The following DOK7 variants were observed in gnomAD, a reference collection of about 807,000 sequenced individuals.
DOK7 encodes the protein protein Dok-7.
Under a neutral mutation model 30.7 loss-of-function variants are expected in DOK7, and 32 were observed. The observed-to-expected ratio is 1.04, with a 90% CI of 0.79 to 1.40. The LOEUF is 1.40. DOK7 is among the 40% of genes most tolerant of loss of function. The pLI, the probability that DOK7 is intolerant of heterozygous loss-of-function variation, is 0.00. For missense variants in DOK7, 1,007 were observed against 699.2 expected (o/e 1.44, Z -4.97); for synonymous variants, 447 against 324.1 (o/e 1.38, Z -4.07).
downstream of DOK7, among the ~76,000 whole-genome samples, chr4:3,498,168 G>A (rs931318712): frequency 1.3e-5 from 2 of 152,156 alleles, no homozygotes; most frequent in African/African-American, 2.4e-5. Context: ...GCCGATTCCC[G>A]GTTGCTGCTT....
intron 7 of DOK7, chr4:3,500,426 G>A (rs1729134464): frequency 2.6e-6 from 4 of 1,534,688 alleles, no homozygotes; most frequent in African/African-American, 1.4e-5. Flanking sequence ...CCTGCGTGGA[G>A]GCACTGACAA....
Position 3,499,601 on chromosome 4 carries a change from C to A in DOK7, c.1109-650C>A, listed in dbSNP as rs541218026. ...CCTGCTCCTGCTCTGCCCTCCCCAGCACCAATGGGGTGTGCAGACAGAACC... is the reference window on the plus strand; with the variant it reads ...CCTGCTCCTGCTCTGCCCTCCCCAGAACCAATGGGGTGTGCAGACAGAACC... On this transcript the variant is annotated intron_variant, in intron 6 of 7. Transcript: ENST00000643608. Among the ~76,000 whole-genome samples the A allele has an allele frequency of 4.4e-3, 674 of 152,180 alleles. 4 individuals carry two copies. Among genetic ancestry groups the A allele is most frequent in the African/African-American group, 0.015 (634 of 41,500 alleles).
rs118010171 is a variant in DOK7, at chr4:3,468,117, T to A, written c.100+4566T>A. On this transcript the variant is annotated intron_variant, in intron 2 of 6. Coordinates refer to ENST00000340083, the MANE Select transcript of DOK7 (RefSeq NM_173660.5). The stretch of plus-strand genomic sequence containing the variant: ...GTGCATGACTGTGTCCACGTGTGTG[T>A]GCATGTGAATACCTGTGTGTGCAGG... Among the ~76,000 whole-genome samples the A allele has an allele frequency of 1.0e-3, 158 of 152,352 alleles. 3 individuals are homozygous for A. In the East Asian group the frequency reaches 0.029, roughly 28 times the overall value.
chr4:3,493,523 G>T lies in DOK7; in HGVS notation c.*22G>T, dbSNP rs527308426. The T allele has an allele frequency of 4.3e-5, 69 of 1,607,146 alleles. No homozygotes were observed. Among genetic ancestry groups the T allele is most frequent in the Non-Finnish European group, 5.4e-5 (63 of 1,177,390 alleles). ...TTGAGAGCCGCAGATCCCGCCCCGC[G>T]GCTGCAAAGGGGCTGAATTTGCCCC... On this transcript the variant is annotated 3_prime_UTR_variant, in exon 7 of 7. Coordinates refer to ENST00000340083, the MANE Select transcript of DOK7 (RefSeq NM_173660.5).
chr4:3,490,387 G>A (rs1346289398), intron 6 of DOK7, among the ~76,000 whole-genome samples: 3 of 46,000 alleles, frequency 6.5e-5, no homozygotes, highest in Non-Finnish European at 1.2e-4. Flanking sequence ...CCCACCCCCT[G>A]CTCATTCAGT....
chr4:3,484,242 G>A (rs906010824), intron 4 of DOK7, among the ~76,000 whole-genome samples: 7 of 152,218 alleles, frequency 4.6e-5, no homozygotes, highest in African/African-American at 7.2e-5. Flanking sequence ...GGTGCCGCTC[G>A]CCCTCGTGTG....
chr4:3,478,480 CG>C (rs1338211296), intron 4 of DOK7, among the ~76,000 whole-genome samples: 1 of 147,538 alleles, frequency 6.8e-6, no homozygotes, highest in African/African-American at 2.5e-5. Context: ...CAGCCCCACC[CG>C]CAAACCTGCA....
At chr4:3,496,255 GAA>G, downstream of DOK7, among the ~76,000 whole-genome samples, 1 of 152,334 alleles carries the variant, frequency 6.6e-6, no homozygotes, top group East Asian at 1.9e-4. Flanking sequence ...AGGCCCAGGA[GAA>G]GGTCGCCTGC....
In DOK7 at chr4:3,487,453, C is replaced by A. The variant is rs183972937; in HGVS notation, c.652+1795C>A. Among the ~76,000 whole-genome samples the A allele has an allele frequency of 4.9e-3, 742 of 152,334 alleles. 22 individuals are homozygous for A. The highest frequency in any genetic ancestry group is 0.035 in the Admixed American group (540 of 15,306). ...TCCTCCTGTGCTGAGCCCGCTGTGA[C>A]CCACTGGAGGGGCCAAGAGATGCAG... is the stretch of plus-strand genomic sequence containing the variant. On this transcript the variant is annotated intron_variant, in intron 5 of 6. Transcript: ENST00000340083.
chr4:3,474,094 CTGG>C (rs1726930606), intron 3 of DOK7, among the ~76,000 whole-genome samples: 1 of 152,070 alleles, frequency 6.6e-6, no homozygotes, highest in Non-Finnish European at 1.5e-5. Flanking sequence ...CCCTGTGGAA[CTGG>C]CCCTGGAAGA....
chr4:3,493,238 CACAGCCCCCCCTCACAGG>C lies in DOK7; in HGVS notation c.1253_1270del (p.His418_Gly424delinsArg). 3 of 1,612,054 alleles carry C rather than the reference CACAGCCCCCCCTCACAGG, an allele frequency of 1.9e-6. No homozygotes were observed. Among genetic ancestry groups the C allele is most frequent in the Non-Finnish European group, 2.5e-6 (3 of 1,179,676 alleles). On this transcript the variant is annotated inframe_deletion, in exon 7 of 7. Transcript: ENST00000340083. ...CAGCCTTTGCCTGGCTCCTAGAGAC[CACAGCCCCCCCTCACAGG>C]GCAGCCCCGGCAACAGTGCGGCCAG...
Position 3,494,267 on chromosome 4 carries a change from T to C in DOK7, c.*766T>C, listed in dbSNP as rs1728763618. ...GGGCCAAAGGCTGGCTTGGCCTGTGTTTCCCCTGGCCCAGGCCTCAGCCCC... is the reference window on the plus strand; with the variant it reads ...GGGCCAAAGGCTGGCTTGGCCTGTGCTTCCCCTGGCCCAGGCCTCAGCCCC... On this transcript the variant is annotated 3_prime_UTR_variant, in exon 7 of 7. Coordinates refer to ENST00000340083, the MANE Select transcript of DOK7 (RefSeq NM_173660.5). 1.0e-6 allele frequency: 1 copy of C among 985,522 alleles called. No homozygotes were observed. The highest frequency in any genetic ancestry group is 1.2e-6 in the Non-Finnish European group (1 of 830,006). 61.0% of individuals were successfully genotyped at this position (985,522 alleles called of 1,614,324 possible).
chr4:3,489,651 TCCA>T, intron 5 of DOK7, 23 bp from the exon 6 acceptor site: 1 of 1,560,810 alleles, frequency 6.4e-7, no homozygotes, highest in Non-Finnish European at 8.7e-7. Flanking sequence ...GGCCACCTCC[TCCA>T]CCGAGTCTTC....
intron 6 of DOK7, among the ~76,000 whole-genome samples, chr4:3,490,465 T>TTCTTCTCCCTCTGCTCATTC (rs1728244956): frequency 8.9e-6 from 1 of 112,678 alleles, no homozygotes; most frequent in Admixed American, 9.1e-5. Flanking sequence ...ATTCATTCCT[T>TTCTTCTCCCTCTGCTCATTC]TCTTCTCCCT....
rs1188814659 is a variant in DOK7, at chr4:3,476,797, C to T, written c.532+255C>T. 3.9e-5 allele frequency among the ~76,000 whole-genome samples: 6 copies of T among 152,192 alleles called. No individual in the cohort carries two copies. The East Asian group carries it at 7.7e-4, about 20-fold the overall frequency. On this transcript the variant is annotated intron_variant, in intron 4 of 6. Transcript: ENST00000340083. ...ACTGGAGGGAGAGAGTTCAGGGATG[C>T]GAGGAGGGGCCTGAGGCCACAGAGC... is the stretch of plus-strand genomic sequence containing the variant.
intron 2 of DOK7, among the ~76,000 whole-genome samples, chr4:3,468,714 ATG>A (rs1726511961): frequency 9.7e-6 from 1 of 102,986 alleles, no homozygotes. Context: ...ATGTGTGTGT[ATG>A]TGTGCGTGCC....
intron 4 of DOK7, among the ~76,000 whole-genome samples, chr4:3,478,367 A>T (rs367905935): frequency 6.6e-6 from 1 of 152,176 alleles, no homozygotes; most frequent in Non-Finnish European, 1.5e-5. Context: ...GCTTCTCCCC[A>T]GGGCGAGGCT....
In DOK7 at chr4:3,493,568, C is replaced by T. The variant is rs73195198; in HGVS notation, c.*67C>T. 0.016 allele frequency: 24,773 copies of T among 1,571,256 alleles called. 232 individuals carry two copies. Among genetic ancestry groups the T allele is most frequent in the Non-Finnish European group, 0.019 (22,176 of 1,158,202 alleles). ...TGCCCCCAGATGGCAGAGGAAGTGG[C>T]GCCAGCCTCCTTGCAGACTGGTGCT... On this transcript the variant is annotated 3_prime_UTR_variant, in exon 7 of 7. Coordinates refer to ENST00000340083, the MANE Select transcript of DOK7 (RefSeq NM_173660.5).
intron 4 of DOK7, among the ~76,000 whole-genome samples, chr4:3,483,167 ACGG>A (rs1727538424): frequency 2.4e-4 from 1 of 4,090 alleles, no homozygotes; most frequent in Non-Finnish European, 3.9e-4. Flanking sequence ...GAGGGTGGGG[ACGG>A]CAGCCTCCTG....
Sources: allele counts gnomAD v4.1 joint callset (sites outside exome capture counted in the v4.1 genomes callset), GRCh38; gene constraint gnomAD v4.1.1; transcripts MANE v1.5; gene names NCBI Gene and HGNC (gene_info 2026-07-23, HGNC 2026-07-21).